GPR155: variants seen among roughly 807,000 people sequenced by gnomAD.
GPR155 encodes G protein-coupled receptor 155.
In GPR155, 65 loss-of-function variants were observed where a neutral mutation model predicts 93.1. The observed-to-expected ratio is 0.70, with a 90% CI of 0.57 to 0.86. The LOEUF (loss-of-function observed/expected upper bound fraction) is 0.86. GPR155 is among the 40% of genes least tolerant of loss of function. The pLI is 0.00. For missense variants in GPR155, 838 were observed against 1,034.8 expected, an observed-to-expected ratio of 0.81 and a Z score of 2.61; for synonymous variants, 319 against 360.1, an observed-to-expected ratio of 0.89 and a Z score of 1.29.
chr2:174,453,504 C>T (rs1244409628), intron 11 of GPR155, among the ~76,000 whole-genome samples: 1 of 151,542 alleles, frequency 6.6e-6, no homozygotes, highest in East Asian at 1.9e-4. Flanking sequence ...ACTAAAAATA[C>T]AAAAAATTAG....
chr2:174,440,034 G>A lies in GPR155; in HGVS notation c.2176C>T (p.Leu726Phe). Residue 726 changes from leucine (L) to phenylalanine (F), a missense_variant and splice_region_variant, in exon 15 of 16, where the codon CTT (leucine) becomes TTT (phenylalanine). This residue lies in a region of GPR155 where 146 missense variants were observed against 177.5 expected (regional missense o/e 0.82). Transcript: ENST00000392552. Reference protein sequence around the residue: ...HLIILPFKRRLEFLWNNKDTA... With the variant: ...HLIILPFKRRFEFLWNNKDTA... ...TCTTTATTGTTCCATAGGAATTCAA[G>A]TCTGAAAATCAAATTTATGGCCATT... The A allele has an allele frequency of 6.2e-7, 1 of 1,604,940 alleles. No individual in the cohort carries two copies. Among genetic ancestry groups the A allele is most frequent in the Non-Finnish European group, 8.5e-7 (1 of 1,176,470 alleles).
chr2:174,436,308 G>C lies in GPR155; in HGVS notation c.2421C>G (p.Asp807Glu). 6.2e-7 allele frequency: 1 copy of C among 1,614,104 alleles called. No homozygotes were observed. The highest frequency in any genetic ancestry group is 2.2e-5 in the East Asian group (1 of 44,888). Residue 807 changes from aspartate to glutamate, a missense_variant, in exon 16 of 16, where the codon GAC becomes GAG. Physicochemically the swap from Asp to Glu is conservative, Grantham distance 45 (BLOSUM62 2). Transcript: ENST00000392552. ...SDRGEAVIYGDRLVQGGVIQH... is the reference protein window; with the variant it reads ...SDRGEAVIYGERLVQGGVIQH... ...GGATGACTCCCCCTTGTACCAGCCT[G>C]TCTCCGTATATCACAGCTTCACCAC... is the stretch of plus-strand genomic sequence containing the variant.
intron 2 of GPR155, among the ~76,000 whole-genome samples, chr2:174,475,103 G>A (rs975408889): frequency 6.6e-6 from 1 of 150,846 alleles, no homozygotes; most frequent in Admixed American, 6.6e-5. Flanking sequence ...AGACCATCCC[G>A]GCTAAAATGG....
Position 174,453,761 on chromosome 2 carries a change from G to A in GPR155, c.1852C>T (p.Pro618Ser). The change falls in exon 11 of 16, where the codon CCT (proline) becomes TCT (serine). Residue 618 changes from proline to serine, a missense_variant. Physicochemically the swap from Pro to Ser is moderately conservative, Grantham distance 74. Coordinates refer to ENST00000392552, the MANE Select transcript of GPR155 (RefSeq NM_152529.7). The part of the protein sequence containing the change: ...EPIANTSTSE[P>S]VIPSFEKNNH... ...CTTTTCTCAAACGAAGGAATCACAG[G>A]CTCACTGGTGCTTGTGTTTGCTATT... The A allele has an allele frequency of 1.2e-6, 2 of 1,610,956 alleles. No individual in the cohort carries two copies. The highest frequency in any genetic ancestry group is 1.7e-6 in the Non-Finnish European group (2 of 1,177,452).
chr2:174,439,092 C>T (rs1250502006), intron 15 of GPR155, among the ~76,000 whole-genome samples: 3 of 152,140 alleles, frequency 2.0e-5, no homozygotes, highest in African/African-American at 4.8e-5. Context: ...ACTGCAGCCC[C>T]TTTTCCACTC....
chr2:174,439,984 A>G lies in GPR155; in HGVS notation c.2226T>C (p.Pro742=), dbSNP rs1311554793. The G allele has an allele frequency of 1.2e-6, 2 of 1,611,852 alleles. No individual in the cohort carries two copies. Among genetic ancestry groups the G allele is most frequent in the Admixed American group, 3.3e-5 (2 of 59,934 alleles). ...AGGTCATTTTTATTTCCTCTGAAACAGGAGAATCCCTGTTTTCTGCTGTGT... is the reference window on the plus strand; with the variant it reads ...AGGTCATTTTTATTTCCTCTGAAACGGGAGAATCCCTGTTTTCTGCTGTGT... The part of the protein sequence containing the change: ...NKDTAENRDS[P]VSEEIKMTCQ... Residue 742 remains proline, a synonymous_variant, in exon 15 of 16, where the codon CCT becomes CCC. Coordinates refer to ENST00000392552, the MANE Select transcript of GPR155 (RefSeq NM_152529.7).
At chr2:174,453,691 A>T (rs779584409) in intron 11 of GPR155, 46 bp downstream of exon 11, 6 of 805,468 alleles carry the variant, frequency 7.4e-6, no homozygotes, top group Non-Finnish European at 8.5e-6. Flanking sequence ...AAGAATAAGG[A>T]ATCTTCTGTC....
chr2:174,439,270 CAA>C (rs777931881), intron 15 of GPR155, among the ~76,000 whole-genome samples: 72 of 151,970 alleles, frequency 4.7e-4, no homozygotes, highest in African/African-American at 1.0e-3. Flanking sequence ...TCTTTTATGA[CAA>C]AGAGAAATAC....
At chr2:174,476,421 C>T (rs905196010) in intron 2 of GPR155, among the ~76,000 whole-genome samples, 47 of 152,060 alleles carry the variant, frequency 3.1e-4, no homozygotes, top group African/African-American at 1.0e-3. Flanking sequence ...CTGGCCAACA[C>T]GGTGAAACCC....
At position 174,460,069 on chromosome 2, in the gene GPR155, G is replaced by A; in HGVS notation, c.1580C>T (p.Thr527Ile). 6.2e-7 allele frequency: 1 copy of A among 1,613,362 alleles called. No homozygotes were observed. ...AGCTATCAGGATGCTGCAGAACAGG[G>A]TGACTGCTGTGGTGATCATCTGCCG... ...GKEQMITTAV[T>I]LFCSILIAGI... The change falls in exon 10 of 16, where the codon ACC (threonine) becomes ATC (isoleucine). Residue 527 changes from threonine (T) to isoleucine (I), a missense_variant. Physicochemically the swap from Thr to Ile is moderately conservative, Grantham distance 89. Around this residue, in one of 3 missense-constraint regions of GPR155, gnomAD observed 663 missense variants for 790.1 expected, o/e 0.84. Coordinates refer to ENST00000392552, the MANE Select transcript of GPR155 (RefSeq NM_152529.7).
At position 174,470,539 on chromosome 2, in the gene GPR155, G is replaced by T. The variant is rs1356306130; in HGVS notation, c.877C>A (p.Leu293Met). 1 of 1,613,500 alleles carries T rather than the reference G, an allele frequency of 6.2e-7. No individual in the cohort carries two copies. The highest frequency in any genetic ancestry group is 1.7e-5 in the Admixed American group (1 of 59,994). Reference protein sequence around the residue: ...ITAKLLVLPLLCREMVELLDK... With the variant: ...ITAKLLVLPLMCREMVELLDK... ...AAGAGTTCCACCATTTCTCTGCACA[G>T]AAGTGGCAGCACCAGACTGAAGAAA... The change falls in exon 4 of 16, where the codon CTG (leucine) becomes ATG (methionine). Residue 293 changes from leucine to methionine, a missense_variant. Leu to Met is a conservative substitution (Grantham distance 15). Coordinates refer to ENST00000392552, the MANE Select transcript of GPR155 (RefSeq NM_152529.7).
intron 2 of GPR155, among the ~76,000 whole-genome samples, chr2:174,478,502 G>A (rs1688230052): frequency 6.6e-6 from 1 of 152,234 alleles, no homozygotes. Context: ...TTACAGGCAT[G>A]AGCCACCATG....
At chr2:174,440,099 C>T (rs927730794) in intron 14 of GPR155, 64 bp from the exon 15 acceptor site, 4 of 1,343,662 alleles carry the variant, frequency 3.0e-6, no homozygotes, top group African/African-American at 3.0e-5. Flanking sequence ...CTCTTCCTGC[C>T]TTATCACCCC....
At chr2:174,466,019 T>C in intron 6 of GPR155, 117 bp from the exon 7 acceptor site, 1 of 581,478 alleles carries the variant, frequency 1.7e-6, no homozygotes, top group Non-Finnish European at 3.1e-6. Flanking sequence ...ACAGCAAATA[T>C]AATTATTTGT....
At chr2:174,439,356 A>G (rs570249997) in intron 15 of GPR155, among the ~76,000 whole-genome samples, 1 of 152,138 alleles carries the variant, frequency 6.6e-6, no homozygotes, top group Admixed American at 6.5e-5. Flanking sequence ...TTTTTTCCTC[A>G]TCCAAAATTA....
chr2:174,465,652 T>A (rs537173483), intron 7 of GPR155, 133 bp downstream of exon 7: 1 of 530,362 alleles, frequency 1.9e-6, no homozygotes, highest in Admixed American at 3.3e-5. Context: ...CCTCTGTGGG[T>A]GGGCTGATCT....
intron 11 of GPR155, among the ~76,000 whole-genome samples, chr2:174,449,475 C>T (rs543386132): frequency 3.0e-4 from 45 of 152,308 alleles, no homozygotes; most frequent in African/African-American, 1.1e-3. Flanking sequence ...TGGAATCAAA[C>T]TAGGTGCCCA....
chr2:174,461,629 CCT>C lies in GPR155; in HGVS notation c.1426_1427del (p.Arg476GlyfsTer33). Reference sequence around the variant, plus strand: ...TGATTATTCCAACAGGAATTTGTACCCTCTCTCGCTTTTTCAAAAGAAACAAA... The same window carrying C: ...TGATTATTCCAACAGGAATTTGTACCCTCTCGCTTTTTCAAAAGAAACAAA... ...ISLFLLKKRE[R>X]VQIPVGIIII... On this transcript the variant is annotated frameshift_variant, in exon 8 of 16. Coordinates refer to ENST00000392552, the MANE Select transcript of GPR155 (RefSeq NM_152529.7). LOFTEE classifies it high-confidence loss of function. The C allele has an allele frequency of 6.2e-7, 1 of 1,611,604 alleles. No homozygotes were observed. Among genetic ancestry groups the C allele is most frequent in the Non-Finnish European group, 8.5e-7 (1 of 1,177,880 alleles).
At chr2:174,460,130 T>C in intron 9 of GPR155, 42 bp from the exon 10 acceptor site, 1 of 1,259,670 alleles carries the variant, frequency 7.9e-7, no homozygotes, top group Non-Finnish European at 1.1e-6. Flanking sequence ...TTTTCACAAC[T>C]TCATCTTGAT....
Sources: gnomAD v4.1 joint callset for allele counts (sites outside exome capture counted in the v4.1 genomes callset) on GRCh38, gnomAD v4.1.1 for gene constraint, gnomAD v4.1.1 regional missense constraint, MANE v1.5 for transcripts, NCBI Gene and HGNC (gene_info 2026-07-23, HGNC 2026-07-21) for gene names.